The following ATP9B variants were observed in gnomAD, a reference collection of about 807,000 sequenced individuals.
ATP9B encodes probable phospholipid-transporting ATPase IIB.
Under a neutral mutation model 146.1 loss-of-function variants are expected in ATP9B, and 110 were observed. The observed-to-expected ratio is 0.75, with a 90% confidence interval of 0.65 to 0.88. The LOEUF (loss-of-function observed/expected upper bound fraction) is 0.88. ATP9B is among the 40% of genes least tolerant of loss of function. The pLI is 0.00. For missense variants in ATP9B, 1,499 were observed against 1,496.4 expected (o/e 1.00, Z -0.03); for synonymous variants, 604 against 569.7 (o/e 1.06, Z -0.86).
chr18:79,372,495 C>A, intron 26 of ATP9B: 2 of 481,560 alleles, frequency 4.2e-6, no homozygotes, highest in South Asian at 1.7e-5. Flanking sequence ...GTTTTTATTG[C>A]CAAGAGCCTT....
intron 5 of ATP9B, among the ~76,000 whole-genome samples, chr18:79,130,221 T>C (rs2094354715): frequency 6.6e-6 from 1 of 152,168 alleles, no homozygotes; most frequent in African/African-American, 2.4e-5. Context: ...CATGGGGATG[T>C]TGCTTAAAAG....
chr18:79,157,439 T>C (rs1358451372), intron 7 of ATP9B, among the ~76,000 whole-genome samples: 2 of 145,334 alleles, frequency 1.4e-5, no homozygotes, highest in Admixed American at 1.4e-4. Flanking sequence ...TATTGACTTA[T>C]AGTTTTGGTT....
At chr18:79,344,140 C>T in intron 20 of ATP9B, 125 bp from the exon 21 acceptor site, 1 of 878,186 alleles carries the variant, frequency 1.1e-6, no homozygotes, top group Non-Finnish European at 1.8e-6. Context: ...AATACTAAAG[C>T]TCCTTTGGTT....
chr18:79,146,401 T>C (rs1197258543), intron 6 of ATP9B: 1 of 124,054 alleles, frequency 8.1e-6, no homozygotes, highest in Non-Finnish European at 1.5e-5. Context: ...TGACTGAAGG[T>C]GCAGGCTGCA....
chr18:79,093,896 A>T (rs1396170760), intron 1 of ATP9B, among the ~76,000 whole-genome samples: 1 of 152,244 alleles, frequency 6.6e-6, no homozygotes, highest in East Asian at 1.9e-4. Flanking sequence ...TATGTTTTTC[A>T]TACTGCAATT....
At chr18:79,094,585 T>C (rs895968645) in intron 1 of ATP9B, among the ~76,000 whole-genome samples, 1 of 152,174 alleles carries the variant, frequency 6.6e-6, no homozygotes, top group African/African-American at 2.4e-5. Context: ...CTAATAGGGC[T>C]AGGAGAAACA....
Position 79,339,685 on chromosome 18 carries a change from G to A in ATP9B, c.2283+2236G>A, listed in dbSNP as rs980751970. On this transcript the variant is annotated intron_variant, in intron 19 of 29. Coordinates refer to ENST00000426216, the MANE Select transcript of ATP9B (RefSeq NM_198531.5). ...TCGTAGTAGGAAGTGTGTCATGATC[G>A]CAGTAGGAAGTGTATCATGATTGCA... 3.3e-5 allele frequency among the ~76,000 whole-genome samples: 5 copies of A among 150,826 alleles called. No homozygotes were observed. The East Asian group carries it at 5.9e-4, about 18-fold the overall frequency.
At chr18:79,081,654 G>A (rs188810675) in intron 1 of ATP9B, among the ~76,000 whole-genome samples, 29 of 148,658 alleles carry the variant, frequency 2.0e-4, no homozygotes, top group African/African-American at 5.7e-4. Context: ...AGGGTTTTTC[G>A]TGTCTCTATC....
intron 15 of ATP9B, among the ~76,000 whole-genome samples, chr18:79,313,585 AT>A (rs1183814442): frequency 6.6e-6 from 1 of 152,240 alleles, no homozygotes; most frequent in African/African-American, 2.4e-5. Flanking sequence ...CATATTTACC[AT>A]ATTACCTTAT....
intron 9 of ATP9B, among the ~76,000 whole-genome samples, chr18:79,201,384 T>G (rs1033089649): frequency 6.6e-6 from 1 of 152,202 alleles, no homozygotes; most frequent in South Asian, 2.1e-4. Flanking sequence ...CCACTTATCT[T>G]CCTTTTTTAT....
At chr18:79,137,539 G>C (rs990858335) in intron 5 of ATP9B, among the ~76,000 whole-genome samples, 2 of 152,102 alleles carry the variant, frequency 1.3e-5, no homozygotes, top group African/African-American at 2.4e-5. Flanking sequence ...GTGGGTCATG[G>C]GCTTCTCCAG....
intron 4 of ATP9B, among the ~76,000 whole-genome samples, chr18:79,123,135 C>A (rs988880823): frequency 1.3e-5 from 2 of 152,006 alleles, no homozygotes; most frequent in Non-Finnish European, 2.9e-5. Flanking sequence ...CTGTCTATCT[C>A]TAGTCACAGA....
At chr18:79,126,162 A>T in intron 4 of ATP9B, 105 bp from the exon 5 acceptor site, 4 of 843,332 alleles carry the variant, frequency 4.7e-6, no homozygotes, top group Non-Finnish European at 5.5e-6. Flanking sequence ...TTTATGTTTT[A>T]GAGAGTAATA....
chr18:79,270,694 A>G (rs964710762), intron 12 of ATP9B, among the ~76,000 whole-genome samples: 2 of 152,040 alleles, frequency 1.3e-5, no homozygotes, highest in Non-Finnish European at 2.9e-5. Context: ...TTTGCTTAAC[A>G]ACATGGAGTC....
In ATP9B at chr18:79,167,851, A is replaced by C. The variant is rs1163761771; in HGVS notation, c.779-8962A>C. On this transcript the variant is annotated intron_variant, in intron 7 of 29. Coordinates refer to ENST00000426216, the MANE Select transcript of ATP9B (RefSeq NM_198531.5). ...ACAGGGGACCTGCCAATTTTTGCCC[A>C]GGAACTTGTGGGACTCCCACCATCA... Among the ~76,000 whole-genome samples, 3 of 152,274 alleles carry C rather than the reference A, an allele frequency of 2.0e-5. No individual in the cohort carries two copies. In the East Asian group the frequency reaches 5.8e-4, roughly 29 times the overall value.
chr18:79,205,943 T>G (rs1451401573), intron 9 of ATP9B, among the ~76,000 whole-genome samples: 1 of 151,922 alleles, frequency 6.6e-6, no homozygotes, highest in East Asian at 1.9e-4. Context: ...CAGCATACTT[T>G]TTTTTTTTTT....
At chr18:79,280,941 A>G (rs1599556936) in intron 13 of ATP9B, among the ~76,000 whole-genome samples, 1 of 152,358 alleles carries the variant, frequency 6.6e-6, no homozygotes, top group East Asian at 1.9e-4. Context: ...TAATCACTTT[A>G]TATCAAAGCC....
At chr18:79,117,380 G>C (rs745732904) in intron 4 of ATP9B, 1 of 152,242 alleles carries the variant, frequency 6.6e-6, no homozygotes, top group Non-Finnish European at 1.5e-5. Flanking sequence ...CAGGAAAAAT[G>C]AGTAGAGGAT....
At chr18:79,231,934 C>A (rs982790328) in intron 11 of ATP9B, among the ~76,000 whole-genome samples, 8 of 152,028 alleles carry the variant, frequency 5.3e-5, no homozygotes, top group Non-Finnish European at 1.2e-4. Context: ...CAAACATCAT[C>A]TGTTCTCATA....
Sources: allele counts gnomAD v4.1 joint callset (sites outside exome capture counted in the v4.1 genomes callset), GRCh38; gene constraint gnomAD v4.1.1; transcripts MANE v1.5; gene names NCBI Gene and HGNC (gene_info 2026-07-23, HGNC 2026-07-21).